Variants in ANKRD52 observed in about 807,000 individuals in gnomAD.
The protein encoded by ANKRD52 is ankyrin repeat domain 52.
ANKRD52 carries 7 observed loss-of-function variants against 116.0 expected under a neutral mutation model. That is an observed-to-expected ratio of 0.06 (90% CI 0.03 to 0.11). The LOEUF is 0.11. Among genes scored for constraint, ANKRD52 ranks in the 10% least tolerant of loss-of-function variants. The pLI, the probability that ANKRD52 is intolerant of heterozygous loss-of-function variation, is 1.00. For synonymous variants in ANKRD52, 528 were observed against 578.1 expected, an observed-to-expected ratio of 0.91 and a Z score of 1.24; for missense variants, 839 against 1,408.6, an observed-to-expected ratio of 0.60 and a Z score of 6.47.
At position 56,255,191 on chromosome 12, in the gene ANKRD52, CTCTTT is replaced by C. The variant is rs1871890197; in HGVS notation, c.463-244_463-240del. The C allele has an allele frequency of 5.1e-6, 2 of 389,000 alleles. No homozygotes were observed. The highest frequency in any genetic ancestry group is 9.2e-6 in the Non-Finnish European group (2 of 216,332). 24.1% of individuals were successfully genotyped at this position (389,000 alleles called of 1,614,324 possible). On this transcript the variant is annotated intron_variant, in intron 5 of 27. Transcript: ENST00000267116. The surrounding 1 kb of genome is among the most constrained non-coding windows in gnomAD (Gnocchi z 4.3). The stretch of plus-strand genomic sequence containing the variant: ...TTCAGGTGATCTGGTGGTTCTTAAA[CTCTTT>C]TTTTTTTTTTTTTTGAGACAGTCTC...
rs778944625 is a variant in ANKRD52, at chr12:56,244,060, G to T, written c.2879C>A (p.Ala960Glu). 1.9e-6 allele frequency: 3 copies of T among 1,613,660 alleles called. No homozygotes were observed. Among genetic ancestry groups the T allele is most frequent in the Non-Finnish European group, 2.5e-6 (3 of 1,179,868 alleles). ...DLGLINATNS[A>E]LQMPLHIAAR... ...TTCCCCAGGCACTCACATCTGCAGC[G>T]CACTGTTGGTAGCATTGATAAGGCC... is the stretch of plus-strand genomic sequence containing the variant. The change falls in exon 26 of 28, where the codon GCG becomes GAG. Residue 960 changes from alanine (A) to glutamate (E), a missense_variant. By Grantham distance (107) the Ala-to-Glu change is moderately radical. Transcript: ENST00000267116. The surrounding 1 kb of genome is among the most constrained non-coding windows in gnomAD (Gnocchi z 4.9).
Position 56,248,923 on chromosome 12 carries a change from C to G in ANKRD52, c.1593-53G>C. 7.3e-7 allele frequency: 1 copy of G among 1,375,846 alleles called. No homozygotes were observed. The highest frequency in any genetic ancestry group is 2.2e-5 in the Admixed American group (1 of 44,838). The allele number at this position is 1,375,846 out of a possible 1,614,324, so 85.2% of individuals were successfully genotyped here. A position where few individuals can be genotyped will look rare whatever the true frequency, so the allele number is the denominator to read the frequency against. ...CAGGGACAGGCCCAGCCCAGGAGGGCACAGTTCTGGGAGGGCCAGAGGAGA... is the reference window on the plus strand; with the variant it reads ...CAGGGACAGGCCCAGCCCAGGAGGGGACAGTTCTGGGAGGGCCAGAGGAGA... On this transcript the variant is annotated intron_variant, in intron 15 of 27. Transcript: ENST00000267116. This position sits in a 1 kb window ranked among gnomAD's most constrained non-coding sequence, Gnocchi z 5.1.
Position 56,244,509 on chromosome 12 carries a change from T to G in ANKRD52, c.2723-74A>C. ...AGCCATCCTGGCTCTCCACTTTGCA[T>G]CCCGTCTGCAGATGGCGAGACATCC... On this transcript the variant is annotated intron_variant, in intron 24 of 27. Transcript: ENST00000267116. This position sits in a 1 kb window ranked among gnomAD's most constrained non-coding sequence, Gnocchi z 4.9. The G allele has an allele frequency of 6.3e-7, 1 of 1,597,540 alleles. No homozygotes were observed. Among genetic ancestry groups the G allele is most frequent in the Non-Finnish European group, 8.6e-7 (1 of 1,168,034 alleles).
rs1871144441 is a variant in ANKRD52, at chr12:56,241,029, A to G, written c.*2113T>C. On this transcript the variant is annotated 3_prime_UTR_variant, in exon 28 of 28. Transcript: ENST00000267116. ...GGGTGGAATGGGAAGATTTCAGGAG[A>G]GAGAATTGAAGGGAAGGCAAGCTTT... 1 of 151,904 alleles carries G rather than the reference A, an allele frequency of 6.6e-6. No homozygotes were observed. The highest frequency in any genetic ancestry group is 1.5e-5 in the Non-Finnish European group (1 of 68,010). 9.4% of individuals were successfully genotyped at this position (151,904 alleles called of 1,614,324 possible).
intron 4 of ANKRD52, among the ~76,000 whole-genome samples, chr12:56,256,447 CCCGAGCTAAAATG>C (rs1274998732): frequency 6.6e-6 from 1 of 152,206 alleles, no homozygotes; most frequent in African/African-American, 2.4e-5. Flanking sequence ...GTTTGCAAAA[CCCGAGCTAAAATG>C]CCCCTCCTAA....
Position 56,238,380 on chromosome 12 carries a change from G to A in ANKRD52, c.*4762C>T, listed in dbSNP as rs1204290170. On this transcript the variant is annotated 3_prime_UTR_variant, in exon 28 of 28. Transcript: ENST00000267116. ...GTCATGCAGGGCATGGGGAAGGGGAGGTTCACACACACATAGATGCCCACA... is the reference window on the plus strand; with the variant it reads ...GTCATGCAGGGCATGGGGAAGGGGAAGTTCACACACACATAGATGCCCACA... 6.6e-6 allele frequency: 1 copy of A among 152,612 alleles called. No individual in the cohort carries two copies. The highest frequency in any genetic ancestry group is 2.4e-5 in the African/African-American group (1 of 41,426). The allele number at this position is 152,612 out of a possible 1,614,324, so 9.5% of individuals were successfully genotyped here. A position where few individuals can be genotyped will look rare whatever the true frequency, so the allele number is the denominator to read the frequency against.
chr12:56,247,102 C>T (rs2629452), intron 20 of ANKRD52, among the ~76,000 whole-genome samples: 121,496 of 150,858 alleles, frequency 0.81, 52,065 homozygotes, highest in South Asian at 0.98. Context: ...CCCAGCACTT[C>T]GGGAGGCCAA....
chr12:56,248,361 T>C lies in ANKRD52; in HGVS notation c.1776+134A>G. 7.2e-7 allele frequency: 1 copy of C among 1,395,500 alleles called. No homozygotes were observed. The highest frequency in any genetic ancestry group is 1.8e-4 in the Middle Eastern group (1 of 5,442). The allele number at this position is 1,395,500 out of a possible 1,614,324, so 86.4% of individuals were successfully genotyped here. On this transcript the variant is annotated intron_variant, in intron 17 of 27. Transcript: ENST00000267116. The surrounding 1 kb of genome is among the most constrained non-coding windows in gnomAD (Gnocchi z 5.1). Reference sequence around the variant, plus strand: ...GCTCCTTGGGCCCCTTAAGGCTTCCTACCCTGCACTGTGCTTATCCCCTCT... The same window carrying C: ...GCTCCTTGGGCCCCTTAAGGCTTCCCACCCTGCACTGTGCTTATCCCCTCT...
rs752738786 is a variant in ANKRD52 at position 56,244,747 on chromosome 12, A to T, written c.2627T>A (p.Met876Lys). 1.9e-6 allele frequency: 3 copies of T among 1,613,890 alleles called. No individual in the cohort carries two copies. Among genetic ancestry groups the T allele is most frequent in the Non-Finnish European group, 2.5e-6 (3 of 1,179,898 alleles). The change falls in exon 24 of 28, where the codon ATG (methionine) becomes AAG (lysine). Residue 876 changes from methionine to lysine, a missense_variant. Met to Lys is a moderately conservative substitution (Grantham distance 95). Transcript: ENST00000267116. This position sits in a 1 kb window ranked among gnomAD's most constrained non-coding sequence, Gnocchi z 4.9. ...CACCTCAGCTTGATGCTGCAGCAGC[A>T]TCCGGAGCCCAGAGACATTGTCCGC... is the stretch of plus-strand genomic sequence containing the variant. The part of the protein sequence containing the change: ...AFADNVSGLR[M>K]LLQHQAEVNA...
In ANKRD52 at chr12:56,242,230, T is replaced by C. The variant is rs893505333; in HGVS notation, c.*912A>G. ...ACATACTAGGGCTGTGGTTTTGAAA[T>C]GGGCAGGAAATTAATTTGTTTCTTC... is the stretch of plus-strand genomic sequence containing the variant. On this transcript the variant is annotated 3_prime_UTR_variant, in exon 28 of 28. Transcript: ENST00000267116. The surrounding 1 kb of genome is among the most constrained non-coding windows in gnomAD (Gnocchi z 4.3). 2.5e-6 allele frequency: 1 copy of C among 398,558 alleles called. No homozygotes were observed. The highest frequency in any genetic ancestry group is 4.4e-6 in the Non-Finnish European group (1 of 226,050). 24.7% of individuals were successfully genotyped at this position (398,558 alleles called of 1,614,324 possible). A position where few individuals can be genotyped will look rare whatever the true frequency, so the allele number is the denominator to read the frequency against.
Position 56,238,032 on chromosome 12 carries a change from C to G in ANKRD52, c.*5110G>C, listed in dbSNP as rs1307484605. 2.0e-5 allele frequency: 6 copies of G among 303,066 alleles called. No individual in the cohort carries two copies. Among genetic ancestry groups the G allele is most frequent in the Non-Finnish European group, 3.6e-5 (6 of 165,288 alleles). The allele number at this position is 303,066 out of a possible 1,614,324, so 18.8% of individuals were successfully genotyped here. A position where few individuals can be genotyped will look rare whatever the true frequency, so the allele number is the denominator to read the frequency against. ...GGGGTGGGGCAAATGCACCGAGGTC[C>G]CCACTTTTTCCTGCTGCCCTCGGCA... On this transcript the variant is annotated 3_prime_UTR_variant, in exon 28 of 28. Transcript: ENST00000267116.
intron 20 of ANKRD52, among the ~76,000 whole-genome samples, 182 bp downstream of exon 20, chr12:56,247,311 A>G (rs1871455705): frequency 6.7e-6 from 1 of 149,062 alleles, no homozygotes; most frequent in African/African-American, 2.5e-5. Context: ...GTGTCACTGC[A>G]CTCCAACCTG....
In ANKRD52 at chr12:56,242,129, T is replaced by C. The variant is rs1314709989; in HGVS notation, c.*1013A>G. On this transcript the variant is annotated 3_prime_UTR_variant, in exon 28 of 28. Transcript: ENST00000267116. The surrounding 1 kb of genome is among the most constrained non-coding windows in gnomAD (Gnocchi z 4.3). Reference sequence around the variant, plus strand: ...GCAGATAGGGAGCACAGATAAACTATGGGCTTGGCGGCACAGGAGGAAGAA... The same window carrying C: ...GCAGATAGGGAGCACAGATAAACTACGGGCTTGGCGGCACAGGAGGAAGAA... 1.8e-5 allele frequency: 7 copies of C among 398,562 alleles called. No homozygotes were observed. The highest frequency in any genetic ancestry group is 1.4e-4 in the East Asian group (4 of 28,088). 24.7% of individuals were successfully genotyped at this position (398,562 alleles called of 1,614,324 possible). A position where few individuals can be genotyped will look rare whatever the true frequency, so the allele number is the denominator to read the frequency against.
Position 56,248,431 on chromosome 12 carries a change from C to T in ANKRD52, c.1776+64G>A. ...AAGGATAACTTCACAAGTGCTGGCA[C>T]CTTTGTTAGGGCCTGGGAACAGGTA... On this transcript the variant is annotated intron_variant, in intron 17 of 27. Transcript: ENST00000267116. The surrounding 1 kb of genome is among the most constrained non-coding windows in gnomAD (Gnocchi z 5.1). The T allele has an allele frequency of 6.6e-7, 1 of 1,523,084 alleles. No individual in the cohort carries two copies. The highest frequency in any genetic ancestry group is 9.0e-7 in the Non-Finnish European group (1 of 1,117,298). 94.3% of individuals were successfully genotyped at this position (1,523,084 alleles called of 1,614,324 possible).
chr12:56,251,236 C>T (rs573254603), intron 15 of ANKRD52, among the ~76,000 whole-genome samples: 2 of 151,318 alleles, frequency 1.3e-5, no homozygotes, highest in South Asian at 2.1e-4. Context: ...CCACCACACC[C>T]GGCCTATTTT....
Position 56,244,668 on chromosome 12 carries a change from C to A in ANKRD52, c.2706G>T (p.Gly902=). 6.2e-7 allele frequency: 1 copy of A among 1,613,894 alleles called. No individual in the cohort carries two copies. The part of the protein sequence containing the change: ...RTALMTAAEN[G]QTAAVEFLLY... ...CCTACACACCCACAGCAGCGGTCTG[C>A]CCGTTCTCAGCCGCCGTCATGAGCG... Residue 902 remains glycine, a synonymous_variant, in exon 24 of 28, where the codon GGG becomes GGT. Coordinates refer to ENST00000267116, the MANE Select transcript of ANKRD52 (RefSeq NM_173595.4). This position sits in a 1 kb window ranked among gnomAD's most constrained non-coding sequence, Gnocchi z 4.9.
chr12:56,244,244 T>C lies in ANKRD52; in HGVS notation c.2805+109A>G. Reference sequence around the variant, plus strand: ...ACAAACAGCTGCCCAACCAGTCGGATAGGCTGGACAATCCTCACTTCTGCC... The same window carrying C: ...ACAAACAGCTGCCCAACCAGTCGGACAGGCTGGACAATCCTCACTTCTGCC... On this transcript the variant is annotated intron_variant, in intron 25 of 27. Transcript: ENST00000267116. The surrounding 1 kb of genome is among the most constrained non-coding windows in gnomAD (Gnocchi z 4.9). The C allele has an allele frequency of 6.6e-7, 1 of 1,521,340 alleles. No homozygotes were observed. Among genetic ancestry groups the C allele is most frequent in the Non-Finnish European group, 9.1e-7 (1 of 1,099,902 alleles). 94.2% of individuals were successfully genotyped at this position (1,521,340 alleles called of 1,614,324 possible).
rs920978336 is a variant in ANKRD52, at chr12:56,254,804, C to G, written c.550+61G>C. ...CCTCTCTTCAAAGGCTGCAACCCCA[C>G]ATCCCTGCCCTAGGAATCCTAAATG... On this transcript the variant is annotated intron_variant, in intron 6 of 27. Transcript: ENST00000267116. The surrounding 1 kb of genome is among the most constrained non-coding windows in gnomAD (Gnocchi z 4.6). The G allele has an allele frequency of 6.2e-7, 1 of 1,601,382 alleles. No individual in the cohort carries two copies. Among genetic ancestry groups the G allele is most frequent in the South Asian group, 1.1e-5 (1 of 90,896 alleles).
rs553280232 is a variant in ANKRD52, at chr12:56,258,350, G to T, written c.-81C>A. ...ACCGGGGACACGGAGCGGCCCAGGC[G>T]GCGGCTGCGGTGGCGGCTGCAGGGA... On this transcript the variant is annotated 5_prime_UTR_variant, in exon 1 of 28. Transcript: ENST00000267116. The T allele has an allele frequency of 1.4e-6, 2 of 1,379,770 alleles. No individual in the cohort carries two copies. Among genetic ancestry groups the T allele is most frequent in the Non-Finnish European group, 1.9e-6 (2 of 1,066,196 alleles). The allele number at this position is 1,379,770 out of a possible 1,614,324, so 85.5% of individuals were successfully genotyped here.
Sources: allele counts gnomAD v4.1 joint callset (sites outside exome capture counted in the v4.1 genomes callset), GRCh38; gene constraint gnomAD v4.1.1; non-coding constraint Gnocchi (gnomAD v3.1); transcripts MANE v1.5; gene names NCBI Gene and HGNC (gene_info 2026-07-23, HGNC 2026-07-21).